Variants in CAPZB observed in about 807,000 individuals in gnomAD.
CAPZB encodes the protein capping actin protein of muscle Z-line subunit beta, also known as F-actin-capping protein subunit beta.
In CAPZB, 2 loss-of-function variants were observed where a neutral mutation model predicts 38.1. That is an observed-to-expected ratio of 0.05 (90% CI 0.02 to 0.17). The LOEUF is 0.17. Ranked by LOEUF, CAPZB falls within the 10% of genes least tolerant of loss-of-function variation. CAPZB has a pLI of 1.00. For missense variants in CAPZB, 161 were observed against 334.2 expected (o/e 0.48, Z 4.04); for synonymous variants, 107 against 127.4 (o/e 0.84, Z 1.08).
At chr1:19,370,287 C>A (rs2094112943) in intron 4 of CAPZB, among the ~76,000 whole-genome samples, 1 of 152,236 alleles carries the variant, frequency 6.6e-6, no homozygotes, top group African/African-American at 2.4e-5. Context: ...CCCCAGACCA[C>A]CCGAGGCTCC....
chr1:19,382,246 G>T (rs1399372685), intron 3 of CAPZB, among the ~76,000 whole-genome samples: 1 of 152,178 alleles, frequency 6.6e-6, no homozygotes, highest in African/African-American at 2.4e-5. Flanking sequence ...CCTGAAGCCA[G>T]GGTAATTGTA....
At chr1:19,368,648 C>A (rs2094103863) in intron 4 of CAPZB, among the ~76,000 whole-genome samples, 1 of 148,872 alleles carries the variant, frequency 6.7e-6, no homozygotes, top group South Asian at 2.1e-4. Flanking sequence ...CTGGCTGGGT[C>A]ACTGCAAGAA....
intron 6 of CAPZB, among the ~76,000 whole-genome samples, chr1:19,346,452 TAAAAAAAAAAAAAAAA>T (rs200968507): frequency 4.1e-5 from 3 of 73,252 alleles, no homozygotes; most frequent in African/African-American, 6.1e-5. Context: ...TGAGAGAAGC[TAAAAAAAAAAAAAAAA>T]AAAAAAAAAA....
intron 2 of CAPZB, among the ~76,000 whole-genome samples, chr1:19,418,423 T>C (rs1040731753): frequency 2.6e-5 from 4 of 152,168 alleles, no homozygotes; most frequent in African/African-American, 9.7e-5. Flanking sequence ...ATCACAACTA[T>C]GTTACTACCC....
chr1:19,440,058 A>G (rs1329647743), intron 1 of CAPZB, among the ~76,000 whole-genome samples: 1 of 152,222 alleles, frequency 6.6e-6, no homozygotes, highest in Non-Finnish European at 1.5e-5. Context: ...TAAAATACAT[A>G]TATTACTGCA....
chr1:19,412,753 C>T (rs945143441), intron 2 of CAPZB, among the ~76,000 whole-genome samples: 5 of 152,140 alleles, frequency 3.3e-5, no homozygotes, highest in African/African-American at 7.2e-5. Context: ...ACTGAGAAAC[C>T]GGTTAAAAGG....
chr1:19,354,849 G>T (rs1215446761), intron 6 of CAPZB, among the ~76,000 whole-genome samples: 1 of 152,220 alleles, frequency 6.6e-6, no homozygotes, highest in African/African-American at 2.4e-5. Context: ...GTGGCAGGAT[G>T]TGGGAGAGTC....
intron 2 of CAPZB, among the ~76,000 whole-genome samples, chr1:19,396,100 C>G (rs1433355548): frequency 1.3e-5 from 2 of 152,208 alleles, no homozygotes; most frequent in Non-Finnish European, 2.9e-5. Context: ...CGGCAGAGGC[C>G]GTTGCCCCGC....
intron 8 of CAPZB, among the ~76,000 whole-genome samples, chr1:19,341,859 A>G (rs1040029587): frequency 6.6e-6 from 1 of 152,106 alleles, no homozygotes; most frequent in Non-Finnish European, 1.5e-5. Flanking sequence ...TAAGTGCCTG[A>G]CCCCACCTCC....
In CAPZB at chr1:19,440,596, C is replaced by CT. The variant is rs553014141; in HGVS notation, c.4-20847dup. 2.6e-5 allele frequency among the ~76,000 whole-genome samples: 4 copies of CT among 152,160 alleles called. No homozygotes were observed. In the South Asian group the frequency reaches 6.2e-4, roughly 24 times the overall value. ...GTTGCTAGGTGTTTGGTTTGTGCTCCTATGACCAGTGTGGGGGGAAGGGAC... is the reference window on the plus strand; with the variant it reads ...GTTGCTAGGTGTTTGGTTTGTGCTCCTTATGACCAGTGTGGGGGGAAGGGAC... On this transcript the variant is annotated intron_variant, in intron 1 of 8. Transcript: ENST00000264202.
intron 1 of CAPZB, among the ~76,000 whole-genome samples, chr1:19,444,555 G>C (rs1015578751): frequency 1.3e-5 from 2 of 152,118 alleles, no homozygotes; most frequent in Non-Finnish European, 2.9e-5. Context: ...TGGCTCTAAG[G>C]ACCCTGCCAT....
At chr1:19,418,145 A>AG (rs2094387861) in intron 2 of CAPZB, among the ~76,000 whole-genome samples, 1 of 146,306 alleles carries the variant, frequency 6.8e-6, no homozygotes, top group African/African-American at 2.6e-5. Flanking sequence ...CCAAAAAAAA[A>AG]AAAAAAAAAA....
chr1:19,431,024 A>C (rs573892424), intron 1 of CAPZB, among the ~76,000 whole-genome samples: 1 of 152,312 alleles, frequency 6.6e-6, no homozygotes, highest in African/African-American at 2.4e-5. Context: ...ATCAACAGGG[A>C]TGTTACACTA....
At chr1:19,434,532 C>G (rs1558258282) in intron 1 of CAPZB, among the ~76,000 whole-genome samples, 1 of 147,264 alleles carries the variant, frequency 6.8e-6, no homozygotes, top group Non-Finnish European at 1.5e-5. Flanking sequence ...TGAGACCAAC[C>G]TGACCAACAG....
rs35949767 is a variant in CAPZB, at chr1:19,396,786, C to CAA, written c.94-11162_94-11161dup. Among the ~76,000 whole-genome samples, 347 of 121,388 alleles carry CAA rather than the reference C, an allele frequency of 2.9e-3. 2 individuals carry two copies. The highest frequency in any genetic ancestry group is 0.02 in the Middle Eastern group (5 of 246). 79.6% of individuals were successfully genotyped at this position (121,388 alleles called of 152,430 possible). ...TGAAACCCCACCTCTAATAAAAATACAAAAAAAAAAAAAAAAAGAAATTAG... is the reference window on the plus strand; with the variant it reads ...TGAAACCCCACCTCTAATAAAAATACAAAAAAAAAAAAAAAAAAAGAAATTAG... On this transcript the variant is annotated intron_variant, in intron 2 of 8. Transcript: ENST00000264202.
intron 1 of CAPZB, among the ~76,000 whole-genome samples, chr1:19,468,797 C>G (rs2100767359): frequency 6.6e-6 from 1 of 152,302 alleles, no homozygotes; most frequent in East Asian, 1.9e-4. Flanking sequence ...CACACGCCGT[C>G]TCTCTGCCTG....
intron 2 of CAPZB, among the ~76,000 whole-genome samples, chr1:19,407,439 A>G (rs1017163070): frequency 6.6e-6 from 1 of 152,088 alleles, no homozygotes; most frequent in African/African-American, 2.4e-5. Flanking sequence ...CAAGCTGGGG[A>G]AAAGGGTACC....
intron 4 of CAPZB, among the ~76,000 whole-genome samples, chr1:19,377,940 T>C (rs1274805937): frequency 6.6e-6 from 1 of 152,152 alleles, no homozygotes; most frequent in Non-Finnish European, 1.5e-5. Context: ...CTGCTCCTGC[T>C]CTGTAAGGAC....
At chr1:19,345,379 G>C in intron 6 of CAPZB, 127 bp from the exon 7 acceptor site, 2 of 752,824 alleles carry the variant, frequency 2.7e-6, no homozygotes. Flanking sequence ...CTGCAGGTAT[G>C]ACAAGGCCAG....
Sources: gnomAD v4.1 joint callset for allele counts (sites outside exome capture counted in the v4.1 genomes callset) on GRCh38, gnomAD v4.1.1 for gene constraint, MANE v1.5 for transcripts, NCBI Gene and HGNC (gene_info 2026-07-23, HGNC 2026-07-21) for gene names.